The following LILRB1 variants were observed in gnomAD, a reference collection of about 807,000 sequenced individuals.
The protein encoded by LILRB1 is leukocyte immunoglobulin-like receptor subfamily B member 1.
A neutral mutation model predicts 74.6 loss-of-function variants in LILRB1; 59 were observed. The ratio of observed to expected loss-of-function variants is 0.79; its 90% CI spans 0.64 to 0.98. The LOEUF (loss-of-function observed/expected upper bound fraction) is 0.98, where lower values mean the gene tolerates loss of function less well. Ranked by LOEUF, LILRB1 falls within the 50% of genes least tolerant of loss-of-function variation. LILRB1 has a pLI of 0.00. For synonymous variants in LILRB1, 328 were observed against 333.9 expected (o/e 0.98, Z 0.19); for missense variants, 804 against 822.6 (o/e 0.98, Z 0.28).
intron 1 of LILRB1, among the ~76,000 whole-genome samples, chr19:54,622,864 G>A (rs1255886888): frequency 2.0e-5 from 3 of 152,102 alleles, no homozygotes; most frequent in Admixed American, 2.0e-4. Flanking sequence ...TCTGTTGAGG[G>A]ATTTTATCAT....
rs1460539586 is a variant in LILRB1, at chr19:54,631,561, T to C, written c.132T>C (p.Pro44=). Residue 44 remains proline, a synonymous_variant, in exon 4 of 15, where the codon CCT becomes CCC. Coordinates refer to ENST00000324602, the MANE Select transcript of LILRB1 (RefSeq NM_001081637.3). ...EPGSVITQGS[P]VTLRCQGGQE... is the part of the protein sequence containing the mutation. ...GCTCTGTGATCACCCAGGGGAGTCC[T>C]GTGACCCTCAGGTGTCAGGGGGGCC... is the stretch of plus-strand genomic sequence containing the variant. 8 of 1,614,106 alleles carry C rather than the reference T, an allele frequency of 5.0e-6. No homozygotes were observed. The African/African-American group carries it at 8.0e-5, about 16-fold the overall frequency.
At chr19:54,636,374 G>A (rs1405414971) in intron 13 of LILRB1, 120 bp from the exon 14 acceptor site, 1 of 1,531,164 alleles carries the variant, frequency 6.5e-7, no homozygotes, top group Non-Finnish European at 8.8e-7. Context: ...CGGCCTTAGG[G>A]CGTCCCTGAG....
At chr19:54,629,271 C>A (rs4112254), upstream of LILRB1, among the ~76,000 whole-genome samples, 2 of 151,846 alleles carry the variant, frequency 1.3e-5, no homozygotes, top group African/African-American at 4.8e-5. Context: ...GTGCATGTAG[C>A]GGGTACTGAA....
At chr19:54,632,984 G>C in intron 6 of LILRB1, 32 bp from the exon 7 acceptor site, 1 of 1,600,574 alleles carries the variant, frequency 6.2e-7, no homozygotes, top group Non-Finnish European at 8.5e-7. Context: ...AGCAAGGTGG[G>C]GCAGCCCCTC....
At chr19:54,618,759 T>A (rs1341609089) in intron 1 of LILRB1, among the ~76,000 whole-genome samples, 7 of 152,338 alleles carry the variant, frequency 4.6e-5, no homozygotes, top group Non-Finnish European at 1.0e-4. Context: ...AAAAATAACT[T>A]TATATTTAAC....
intron 1 of LILRB1, among the ~76,000 whole-genome samples, chr19:54,623,500 G>A (rs1368867344): frequency 6.6e-6 from 1 of 152,158 alleles, no homozygotes; most frequent in African/African-American, 2.4e-5. Context: ...GGCGTTGGTT[G>A]TAATGTCAAC....
At chr19:54,631,416 G>A (rs2151869) in intron 3 of LILRB1, 84 bp from the exon 4 acceptor site, 72,339 of 1,608,828 alleles carry the variant, frequency 0.045, 1,733 homozygotes, top group South Asian at 0.059. Flanking sequence ...TGATGGGGGC[G>A]TCTGGAGGGT....
upstream of LILRB1, among the ~76,000 whole-genome samples, chr19:54,629,060 A>G (rs1451877876): frequency 1.3e-5 from 2 of 152,200 alleles, no homozygotes; most frequent in African/African-American, 4.8e-5. Context: ...CTCACTCCCA[A>G]ATAAACTCAA....
chr19:54,617,549 ATGTCTG>A (rs1272699269), intron 1 of LILRB1, among the ~76,000 whole-genome samples: 2 of 98,618 alleles, frequency 2.0e-5, no homozygotes, highest in African/African-American at 7.3e-5. Flanking sequence ...AAGCTACAGG[ATGTCTG>A]TGTGTGTGTG....
chr19:54,632,013 A>G lies in LILRB1; in HGVS notation c.437A>G (p.Asp146Gly). The G allele has an allele frequency of 1.2e-6, 2 of 1,614,142 alleles. No homozygotes were observed. Among genetic ancestry groups the G allele is most frequent in the Non-Finnish European group, 1.7e-6 (2 of 1,179,940 alleles). ...GGAGGGAATGTAACCCTCCAGTGTG[A>G]CTCACAGGTGGCATTTGATGGCTTC... ...NSGGNVTLQC[D>G]SQVAFDGFIL... Residue 146 changes from aspartate to glycine, a missense_variant, in exon 5 of 15, where the codon GAC becomes GGC. Transcript: ENST00000324602.
intron 1 of LILRB1, among the ~76,000 whole-genome samples, chr19:54,625,135 G>T (rs1243290975): frequency 1.5e-5 from 2 of 137,882 alleles, no homozygotes; most frequent in Non-Finnish European, 3.3e-5. Context: ...CAAAGGGCTT[G>T]TCAGGGGCCT....
intron 1 of LILRB1, among the ~76,000 whole-genome samples, chr19:54,619,381 T>C (rs2063394861): frequency 6.6e-6 from 1 of 152,138 alleles, no homozygotes; most frequent in South Asian, 2.1e-4. Context: ...GATTAAGAAA[T>C]ATAATAGTCA....
At chr19:54,634,285 C>T (rs113668345) in intron 9 of LILRB1, 86,144 of 1,536,056 alleles carry the variant, frequency 0.056, 2,471 homozygotes, top group Non-Finnish European at 0.062. Context: ...TCCCGTCCCA[C>T]CTGCAGCAGA....
In LILRB1 at chr19:54,632,525, C is replaced by T; in HGVS notation, c.723C>T (p.Thr241=). The T allele has an allele frequency of 3.1e-6, 5 of 1,613,868 alleles. No individual in the cohort carries two copies. The highest frequency in any genetic ancestry group is 1.1e-5 in the South Asian group (1 of 91,066). ...QPGPIVAPEE[T]LTLQCGSDAG... ...GTCCTATCGTGGCCCCTGAGGAGACCCTGACTCTGCAGTGTGGCTCTGATG... is the reference window on the plus strand; with the variant it reads ...GTCCTATCGTGGCCCCTGAGGAGACTCTGACTCTGCAGTGTGGCTCTGATG... The change falls in exon 6 of 15, where the codon ACC becomes ACT. Residue 241 remains threonine (T), a synonymous_variant. Transcript: ENST00000324602.
At chr19:54,626,386 C>G (rs1206104914), upstream of LILRB1, among the ~76,000 whole-genome samples, 1 of 152,190 alleles carries the variant, frequency 6.6e-6, no homozygotes, top group Admixed American at 6.5e-5. Context: ...AAAATGTCAA[C>G]CATTTTCTTT....
upstream of LILRB1, among the ~76,000 whole-genome samples, chr19:54,626,400 A>G (rs1286462268): frequency 6.6e-6 from 1 of 152,186 alleles, no homozygotes; most frequent in African/African-American, 2.4e-5. Flanking sequence ...TTTCTTTGCA[A>G]TATTTACTGA....
chr19:54,633,493 G>A, intron 7 of LILRB1, 145 bp from the exon 8 acceptor site: 3 of 1,192,872 alleles, frequency 2.5e-6, no homozygotes, highest in Admixed American at 5.3e-5. Flanking sequence ...CCCACCCTCA[G>A]TGGCATCGCC....
intron 1 of LILRB1, among the ~76,000 whole-genome samples, chr19:54,617,588 T>G (rs947924820): frequency 4.1e-5 from 5 of 121,798 alleles, no homozygotes; most frequent in Admixed American, 7.9e-5. Context: ...TGTGTGTGTG[T>G]GGTGTGTGTG....
chr19:54,625,193 G>T (rs2063549385), intron 1 of LILRB1, among the ~76,000 whole-genome samples: 1 of 144,550 alleles, frequency 6.9e-6, no homozygotes, highest in Non-Finnish European at 1.5e-5. Context: ...CACGGTGTTC[G>T]GGTGGGGGCA....
Sources: gnomAD v4.1 joint callset for allele counts (sites outside exome capture counted in the v4.1 genomes callset) on GRCh38, gnomAD v4.1.1 for gene constraint, MANE v1.5 for transcripts, NCBI Gene and HGNC (gene_info 2026-07-23, HGNC 2026-07-21) for gene names.